ZNF239: variants seen among roughly 807,000 people sequenced by gnomAD.
ZNF239 encodes zinc finger protein (C2H2) homologous to mouse MOK-2.
Under a neutral mutation model 27.5 loss-of-function variants are expected in ZNF239, and 16 were observed. The observed-to-expected ratio is 0.58, with a 90% CI of 0.39 to 0.88. The LOEUF (loss-of-function observed/expected upper bound fraction) is 0.88, where lower values mean the gene tolerates loss of function less well. ZNF239 is among the 40% of genes least tolerant of loss of function. The probability of loss-of-function intolerance (pLI) is 0.00; values close to 1 mark genes in which losing one functional copy is unlikely to be tolerated. For missense variants in ZNF239, 527 were observed against 551.9 expected, an observed-to-expected ratio of 0.95 and a Z score of 0.45; for synonymous variants, 199 against 192.6, an observed-to-expected ratio of 1.03 and a Z score of -0.27.
Position 43,557,744 on chromosome 10 carries a change from A to G in ZNF239, c.336T>C (p.Cys112=). ...CCAGTTTAACTTGAAGGTTCTCTGA[A>G]CAACTTTCCCCCTTTATCACTTTTC... The part of the protein sequence containing the change: ...TERKVIKGES[C]SENLQVKLVS... Residue 112 remains cysteine, a synonymous_variant, in exon 4 of 4, where the codon TGT becomes TGC. Coordinates refer to ENST00000374446, the MANE Select transcript of ZNF239 (RefSeq NM_001099282.2). 1 of 1,614,118 alleles carries G rather than the reference A, an allele frequency of 6.2e-7. No individual in the cohort carries two copies. Among genetic ancestry groups the G allele is most frequent in the Non-Finnish European group, 8.5e-7 (1 of 1,180,018 alleles).
rs1837504248 is a variant in ZNF239 at position 43,564,582 on chromosome 10, C to A, written c.-93+3317G>T. On this transcript the variant is annotated intron_variant, in intron 3 of 3. Transcript: ENST00000374446. ...TTTGAGACAGGGTCTCACTCTGTTGCCCAGGCTGGAGAATTTTGCTCTCTG... is the reference window on the plus strand; with the variant it reads ...TTTGAGACAGGGTCTCACTCTGTTGACCAGGCTGGAGAATTTTGCTCTCTG... 2.0e-5 allele frequency among the ~76,000 whole-genome samples: 3 copies of A among 152,134 alleles called. No homozygotes were observed. The South Asian group carries it at 6.2e-4, about 32-fold the overall frequency.
At chr10:43,558,261 C>T in intron 3 of ZNF239, 90 bp from the exon 4 acceptor site, 1 of 1,258,532 alleles carries the variant, frequency 7.9e-7, no homozygotes, top group Non-Finnish European at 1.1e-6. Flanking sequence ...GTCTTAGTAA[C>T]TAGGAAAAAG....
rs1836803641 is a variant in ZNF239 at position 43,557,074 on chromosome 10, T to C, written c.1006A>G (p.Ile336Val). The C allele has an allele frequency of 6.2e-7, 1 of 1,613,744 alleles. No individual in the cohort carries two copies. The highest frequency in any genetic ancestry group is 8.5e-7 in the Non-Finnish European group (1 of 1,179,936). Residue 336 changes from isoleucine to valine, a missense_variant, in exon 4 of 4, where the codon ATC becomes GTC. By Grantham distance (29) the Ile-to-Val change is conservative. Coordinates refer to ENST00000374446, the MANE Select transcript of ZNF239 (RefSeq NM_001099282.2). ...TCTCCTGTGTGTACTCGCTGGTGGA[T>C]GTGCAGGTTTGAGCGCTGACTGAAG... is the stretch of plus-strand genomic sequence containing the variant. ...MSFSQRSNLH[I>V]HQRVHTGERP...
chr10:43,567,952 G>T lies in ZNF239; in HGVS notation c.-146C>A. On this transcript the variant is annotated 5_prime_UTR_variant, in exon 3 of 4. Coordinates refer to ENST00000374446, the MANE Select transcript of ZNF239 (RefSeq NM_001099282.2). The stretch of plus-strand genomic sequence containing the variant: ...ATCACAGCTCCGCACAGCTTCCTGG[G>T]AGCAGAGTCCAGGTGACCTCACTCC... The T allele has an allele frequency of 3.0e-6, 3 of 985,858 alleles. No individual in the cohort carries two copies. The highest frequency in any genetic ancestry group is 3.6e-6 in the Non-Finnish European group (3 of 830,034). The allele number at this position is 985,858 out of a possible 1,614,324, so 61.1% of individuals were successfully genotyped here.
chr10:43,571,086 G>C (rs1838002562), intron 2 of ZNF239: 1 of 871,284 alleles, frequency 1.1e-6, no homozygotes, highest in Admixed American at 6.2e-5. Context: ...TCACTCCAAG[G>C]CTGTGCTCCT....
intron 3 of ZNF239, 43 bp from the exon 4 acceptor site, chr10:43,558,214 C>A (rs1301698469): frequency 5.5e-6 from 8 of 1,446,132 alleles, no homozygotes. Context: ...AAAGGGTAGA[C>A]TTCAAGATTT....
At chr10:43,571,318 G>A (rs1484523886) in intron 2 of ZNF239, among the ~76,000 whole-genome samples, 1 of 149,638 alleles carries the variant, frequency 6.7e-6, no homozygotes, top group Non-Finnish European at 1.5e-5. Context: ...ATTACCTGGA[G>A]TCATTCAACA....
At chr10:43,561,386 C>A (rs1341089655) in intron 3 of ZNF239, among the ~76,000 whole-genome samples, 1 of 151,824 alleles carries the variant, frequency 6.6e-6, no homozygotes, top group Admixed American at 6.6e-5. Context: ...ATGCTAAAAG[C>A]TTCCAAACAG....
chr10:43,570,216 G>T, intron 2 of ZNF239: 9 of 985,330 alleles, frequency 9.1e-6, no homozygotes, highest in Non-Finnish European at 1.1e-5. Context: ...AAAGATGAAG[G>T]TAAGGATGGG....
intron 3 of ZNF239, chr10:43,564,202 C>T (rs931126450): frequency 9.8e-6 from 7 of 714,792 alleles, no homozygotes; most frequent in Middle Eastern, 7.1e-4. Flanking sequence ...AGAGGCTCTC[C>T]GTAAGACACA....
Position 43,556,378 on chromosome 10 carries a change from A to T in ZNF239, c.*325T>A. The T allele has an allele frequency of 4.0e-6, 1 of 247,490 alleles. No homozygotes were observed. The highest frequency in any genetic ancestry group is 7.8e-6 in the Non-Finnish European group (1 of 127,966). 15.3% of individuals were successfully genotyped at this position (247,490 alleles called of 1,614,324 possible). On this transcript the variant is annotated 3_prime_UTR_variant, in exon 4 of 4. Transcript: ENST00000374446. ...AAACCAGAGTTTCAATTTCTCAGAGAATGTGAACAAAGGGAAACATGCCCT... is the reference window on the plus strand; with the variant it reads ...AAACCAGAGTTTCAATTTCTCAGAGTATGTGAACAAAGGGAAACATGCCCT...
chr10:43,570,223 T>C, intron 2 of ZNF239: 1 of 985,322 alleles, frequency 1.0e-6, no homozygotes, highest in Non-Finnish European at 1.2e-6. Flanking sequence ...AAGGTAAGGA[T>C]GGGTGCTGTC....
chr10:43,571,750 G>A (rs1166564811), intron 2 of ZNF239, among the ~76,000 whole-genome samples: 1 of 152,040 alleles, frequency 6.6e-6, no homozygotes, highest in East Asian at 1.9e-4. Flanking sequence ...TAGAGATGAG[G>A]TTTCACTATG....
chr10:43,570,615 C>T, intron 2 of ZNF239: 1 of 985,104 alleles, frequency 1.0e-6, no homozygotes, highest in Non-Finnish European at 1.2e-6. Context: ...AATCCTCCTT[C>T]TCTACCTCAA....
intron 3 of ZNF239, among the ~76,000 whole-genome samples, chr10:43,558,507 G>A (rs1251171499): frequency 6.6e-6 from 1 of 151,788 alleles, no homozygotes; most frequent in African/African-American, 2.4e-5. Flanking sequence ...GGAGTGCCGT[G>A]GTGTGATCTG....
chr10:43,573,617 G>C lies in ZNF239; in HGVS notation c.-216+20C>G. On this transcript the variant is annotated intron_variant, in intron 2 of 3. Transcript: ENST00000374446. ...ATTTCAGGGAGATGGCATTTTAGGAGAAATGGAACGCCAACTCACCCGGAC... is the reference window on the plus strand; with the variant it reads ...ATTTCAGGGAGATGGCATTTTAGGACAAATGGAACGCCAACTCACCCGGAC... 1 of 985,356 alleles carries C rather than the reference G, an allele frequency of 1.0e-6. No homozygotes were observed. Among genetic ancestry groups the C allele is most frequent in the Non-Finnish European group, 1.2e-6 (1 of 829,900 alleles). 61.0% of individuals were successfully genotyped at this position (985,356 alleles called of 1,614,324 possible).
At position 43,571,877 on chromosome 10, in the gene ZNF239, C is replaced by T. The variant is rs144368782; in HGVS notation, c.-216+1760G>A. Reference sequence around the variant, plus strand: ...TGGCCTCAACTCATCTTTAAATCCCCAGCAACTACCACAATTGACTTGGAA... The same window carrying T: ...TGGCCTCAACTCATCTTTAAATCCCTAGCAACTACCACAATTGACTTGGAA... On this transcript the variant is annotated intron_variant, in intron 2 of 3. Coordinates refer to ENST00000374446, the MANE Select transcript of ZNF239 (RefSeq NM_001099282.2). Among the ~76,000 whole-genome samples, 62 of 152,222 alleles carry T rather than the reference C, an allele frequency of 4.1e-4. No homozygotes were observed. The East Asian group carries it at 0.012, about 28-fold the overall frequency.
rs367669983 is a variant in ZNF239 at position 43,562,914 on chromosome 10, TGGTTATAGAAATTATA to T, written c.-92-4759_-92-4744del. Among the ~76,000 whole-genome samples, 231 of 152,260 alleles carry T rather than the reference TGGTTATAGAAATTATA, an allele frequency of 1.5e-3. 1 individual carries two copies. Among genetic ancestry groups the T allele is most frequent in the African/African-American group, 5.2e-3 (218 of 41,558 alleles). On this transcript the variant is annotated intron_variant, in intron 3 of 3. Transcript: ENST00000374446. The stretch of plus-strand genomic sequence containing the variant: ...TCGTACAATACTTGGAAATGGCTAG[TGGTTATAGAAATTATA>T]GGTATATGAAAATGAATGGGGGAGG...
chr10:43,569,552 C>T (rs1249091599), intron 2 of ZNF239, among the ~76,000 whole-genome samples: 3 of 152,192 alleles, frequency 2.0e-5, no homozygotes, highest in Non-Finnish European at 2.9e-5. Context: ...ATTGTAGCTT[C>T]TGCACTAGCT....
Sources: gnomAD v4.1 joint callset for allele counts (sites outside exome capture counted in the v4.1 genomes callset) on GRCh38, gnomAD v4.1.1 for gene constraint, MANE v1.5 for transcripts, NCBI Gene and HGNC (gene_info 2026-07-23, HGNC 2026-07-21) for gene names.